The following C5 variants were observed in gnomAD, a reference collection of about 807,000 sequenced individuals.
C5 encodes complement C5.
C5 carries 140 observed loss-of-function variants against 218.8 expected under a neutral mutation model. The observed-to-expected ratio is 0.64, with a 90% CI of 0.56 to 0.74. The LOEUF is 0.74. Among genes scored for constraint, C5 ranks in the 30% least tolerant of loss-of-function variants. C5 has a pLI of 0.00. For missense variants in C5, 1,700 were observed against 1,969.6 expected, an observed-to-expected ratio of 0.86 and a Z score of 2.59; for synonymous variants, 614 against 682.3, an observed-to-expected ratio of 0.90 and a Z score of 1.56.
At position 120,971,976 on chromosome 9, in the gene C5, T is replaced by C; in HGVS notation, c.4034A>G (p.Asp1345Gly). The change falls in exon 31 of 41, where the codon GAC becomes GGC. Residue 1345 changes from aspartate to glycine, a missense_variant. Coordinates refer to ENST00000223642, the MANE Select transcript of C5 (RefSeq NM_001735.3). ...GRPVEVLLND[D>G]LIVSTGFGSG... ...GCCAAATCCTGTACTGACAATGAGG[T>C]CATCATTGAGAAGCACCTGGAAAGA... is the stretch of plus-strand genomic sequence containing the variant. The C allele has an allele frequency of 6.2e-7, 1 of 1,612,676 alleles. No individual in the cohort carries two copies.
intron 3 of C5, 144 bp from the exon 4 acceptor site, chr9:121,038,095 G>C: frequency 2.0e-6 from 1 of 512,036 alleles, no homozygotes; most frequent in Non-Finnish European, 3.6e-6. Context: ...ACAAAAATTA[G>C]TTTGCAGACA....
intron 16 of C5, among the ~76,000 whole-genome samples, chr9:121,014,794 C>CAATG (rs1302468817): frequency 1.3e-5 from 2 of 152,020 alleles, no homozygotes; most frequent in Admixed American, 6.6e-5. Context: ...TTCCAAAGAA[C>CAATG]AATGCTACTA....
Position 120,997,734 on chromosome 9 carries a change from G to T in C5, c.2603C>A (p.Ser868Ter), listed in dbSNP as rs747585958. 6.2e-7 allele frequency: 1 copy of T among 1,614,032 alleles called. No homozygotes were observed. The highest frequency in any genetic ancestry group is 2.2e-5 in the East Asian group (1 of 44,880). ...KMSAVEGICT[S>*]ESPVIDHQGT... Reference sequence around the variant, plus strand: ...CTGATGATCAATGACTGGGCTTTCCGAAGTGCAGATTCCCTCCACAGCAGA... The same window carrying T: ...CTGATGATCAATGACTGGGCTTTCCTAAGTGCAGATTCCCTCCACAGCAGA... The change falls in exon 21 of 41, where the codon TCG (serine) becomes TAG (stop). Residue 868 changes from serine (S) to a stop codon, truncating the protein, a stop_gained. Transcript: ENST00000223642. LOFTEE classifies it high-confidence loss of function.
chr9:120,973,863 C>T (rs759458348), intron 30 of C5, among the ~76,000 whole-genome samples: 2 of 151,996 alleles, frequency 1.3e-5, no homozygotes, highest in Non-Finnish European at 2.9e-5. Context: ...CCTATAATCC[C>T]GCCTGCTTTG....
chr9:120,983,654 T>G (rs777074745), intron 25 of C5, among the ~76,000 whole-genome samples: 27 of 152,080 alleles, frequency 1.8e-4, no homozygotes, highest in Non-Finnish European at 3.2e-4. Context: ...CTACAAAAAA[T>G]GCAAAACATT....
At chr9:121,022,541 C>CT (rs1160430339) in intron 10 of C5, among the ~76,000 whole-genome samples, 3 of 148,422 alleles carry the variant, frequency 2.0e-5, no homozygotes, top group Non-Finnish European at 4.5e-5. Flanking sequence ...TTGGTAAATC[C>CT]TTTTTTTTCT....
At chr9:121,011,919 A>C (rs1014084500) in intron 17 of C5, among the ~76,000 whole-genome samples, 5 of 152,168 alleles carry the variant, frequency 3.3e-5, no homozygotes, top group African/African-American at 4.8e-5. Flanking sequence ...TGGGTGCTAA[A>C]AATCAAAACA....
intron 18 of C5, 38 bp from the exon 19 acceptor site, chr9:121,007,015 T>C: frequency 6.8e-7 from 1 of 1,474,920 alleles, no homozygotes; most frequent in Admixed American, 1.7e-5. Flanking sequence ...TACAGTGGAA[T>C]ATTGATTAAC....
At chr9:121,023,691 A>G (rs1053761218) in intron 9 of C5, among the ~76,000 whole-genome samples, 172 bp from the exon 10 acceptor site, 3 of 152,242 alleles carry the variant, frequency 2.0e-5, no homozygotes, top group South Asian at 2.1e-4. Flanking sequence ...AGAGGGGCAC[A>G]GCAGAGAAGA....
intron 25 of C5, among the ~76,000 whole-genome samples, chr9:120,988,735 T>C (rs2047052991): frequency 6.6e-6 from 1 of 152,200 alleles, no homozygotes; most frequent in South Asian, 2.1e-4. Flanking sequence ...AGTTGCTGTG[T>C]TGAGTATATA....
chr9:121,017,006 T>TA (rs1215007880), intron 14 of C5, among the ~76,000 whole-genome samples: 4 of 152,046 alleles, frequency 2.6e-5, no homozygotes, highest in African/African-American at 7.3e-5. Flanking sequence ...AATGAGAATT[T>TA]AAAAAAAATC....
intron 13 of C5, 43 bp downstream of exon 13, chr9:121,017,600 A>C (rs1200531315): frequency 3.1e-6 from 5 of 1,605,636 alleles, no homozygotes; most frequent in Non-Finnish European, 4.3e-6. Context: ...AGCCTCCTTC[A>C]TTGAAAAGAA....
chr9:120,968,695 A>G (rs1433669987), intron 33 of C5, among the ~76,000 whole-genome samples: 8 of 152,220 alleles, frequency 5.3e-5, no homozygotes, highest in Non-Finnish European at 7.3e-5. Flanking sequence ...AATCTAGCTG[A>G]TAATGGATTT....
At chr9:120,964,996 T>C (rs572439923) in intron 33 of C5, among the ~76,000 whole-genome samples, 19 of 152,088 alleles carry the variant, frequency 1.2e-4, no homozygotes, top group African/African-American at 4.6e-4. Flanking sequence ...TCTGTAAAAG[T>C]TGATTTCAGG....
chr9:120,980,989 C>T (rs1231661769), intron 27 of C5, among the ~76,000 whole-genome samples: 1 of 152,184 alleles, frequency 6.6e-6, no homozygotes, highest in African/African-American at 2.4e-5. Context: ...ATAAATAAAA[C>T]AATAAGTAGC....
chr9:121,030,502 A>G lies in C5; in HGVS notation c.668-15T>C. 1 of 1,458,890 alleles carries G rather than the reference A, an allele frequency of 6.9e-7. No homozygotes were observed. Among genetic ancestry groups the G allele is most frequent in the African/African-American group, 1.4e-5 (1 of 71,232 alleles). The allele number at this position is 1,458,890 out of a possible 1,614,324, so 90.4% of individuals were successfully genotyped here. Reference sequence around the variant, plus strand: ...ATGTGGCAAGACTGAAAATAAAAACAAACAGGTAATATTACCATTTTGATT... The same window carrying G: ...ATGTGGCAAGACTGAAAATAAAAACGAACAGGTAATATTACCATTTTGATT... On this transcript the variant is annotated splice_polypyrimidine_tract_variant and intron_variant, in intron 6 of 40. Coordinates refer to ENST00000223642, the MANE Select transcript of C5 (RefSeq NM_001735.3).
chr9:121,066,711 G>A, the C5 span, among the ~76,000 whole-genome samples: 3 of 151,536 alleles, frequency 2.0e-5, no homozygotes, highest in Non-Finnish European at 2.9e-5. Flanking sequence ...TTAGCCGGGC[G>A]AGGTGGTGCG....
At chr9:120,999,516 C>A (rs1217340647) in intron 20 of C5, among the ~76,000 whole-genome samples, 2 of 152,154 alleles carry the variant, frequency 1.3e-5, no homozygotes, top group Non-Finnish European at 2.9e-5. Context: ...TCAAACCTGG[C>A]TGACCCTTGA....
chr9:121,044,631 T>A (rs1482137100), intron 2 of C5, among the ~76,000 whole-genome samples: 1 of 152,194 alleles, frequency 6.6e-6, no homozygotes, highest in Non-Finnish European at 1.5e-5. Context: ...TAAAGATACA[T>A]GATATTGCTA....
Sources: gnomAD v4.1 joint callset for allele counts (sites outside exome capture counted in the v4.1 genomes callset) on GRCh38, gnomAD v4.1.1 for gene constraint, MANE v1.5 for transcripts, NCBI Gene and HGNC (gene_info 2026-07-23, HGNC 2026-07-21) for gene names.